Variants in MGST1 observed in about 807,000 individuals in gnomAD.
MGST1 encodes the protein glutathione S-transferase 12.
A neutral mutation model predicts 8.9 loss-of-function variants in MGST1; 5 were observed. That is an observed-to-expected ratio of 0.56 (90% CI 0.29 to 1.19). The LOEUF (loss-of-function observed/expected upper bound fraction) is 1.19, where lower values mean the gene tolerates loss of function less well. Ranked by LOEUF, MGST1 falls within the 50% of genes most tolerant of loss-of-function variation. MGST1 has a pLI of 0.08. For synonymous variants in MGST1, 54 were observed against 67.8 expected (o/e 0.80, Z 1.00); for missense variants, 182 against 187.4 (o/e 0.97, Z 0.17).
At position 16,389,073 on chromosome 12, in the gene MGST1, C is replaced by T. The variant is rs942997302; in HGVS notation, n.778+5469C>T. Among the ~76,000 whole-genome samples the T allele has an allele frequency of 2.6e-5, 4 of 152,216 alleles. 1 individual carries two copies. The highest frequency in any genetic ancestry group is 5.9e-5 in the Non-Finnish European group (4 of 68,036). On this transcript the variant is annotated intron_variant and non_coding_transcript_variant, in intron 1 of 1. Coordinates refer to the MGST1 transcript ENST00000359720. The surrounding 1 kb of genome is among the most constrained non-coding windows in gnomAD (Gnocchi z 4.6). ...TCTTGTAAAGTGCCACTTTGCGTAT[C>T]TGAAGACAAATACAGGTGGCATAGG...
intron 4 of MGST1, among the ~76,000 whole-genome samples, chr12:16,463,571 A>G (rs1351281546): frequency 6.6e-6 from 1 of 150,584 alleles, no homozygotes; most frequent in Non-Finnish European, 1.5e-5. Flanking sequence ...CATCTGGCAC[A>G]TGTACCCGTA....
At chr12:16,493,231 T>G (rs1941450519) in intron 4 of MGST1, among the ~76,000 whole-genome samples, 2 of 152,194 alleles carry the variant, frequency 1.3e-5, no homozygotes, top group South Asian at 4.1e-4. Context: ...TCTACTTTTA[T>G]GCCAGCCAGA....
At chr12:16,507,083 A>G (rs1941542877) in intron 4 of MGST1, among the ~76,000 whole-genome samples, 1 of 152,188 alleles carries the variant, frequency 6.6e-6, no homozygotes, top group Non-Finnish European at 1.5e-5. Flanking sequence ...GGGAGAGTCT[A>G]CACAGCCTGG....
At chr12:16,514,419 G>T in intron 4 of MGST1, 3 of 282,502 alleles carry the variant, frequency 1.1e-5, no homozygotes, top group East Asian at 1.1e-4. Context: ...GAAAGGCAAG[G>T]CCCATCGCAT....
chr12:16,484,864 G>A (rs1941388852), intron 4 of MGST1, among the ~76,000 whole-genome samples: 1 of 152,132 alleles, frequency 6.6e-6, no homozygotes. Flanking sequence ...AAGATATTTT[G>A]CATCTTATAA....
intron 4 of MGST1, among the ~76,000 whole-genome samples, chr12:16,459,775 T>A (rs1378213699): frequency 6.6e-6 from 1 of 152,080 alleles, no homozygotes; most frequent in Non-Finnish European, 1.5e-5. Flanking sequence ...CATCTTTTGC[T>A]CTCATGACCT....
downstream of MGST1, among the ~76,000 whole-genome samples, chr12:16,439,150 C>G (rs1041384874): frequency 6.6e-6 from 1 of 150,442 alleles, no homozygotes; most frequent in Non-Finnish European, 1.5e-5. Context: ...TATCTATATT[C>G]TGCTATGATT....
intron 1 of MGST1, among the ~76,000 whole-genome samples, chr12:16,403,319 T>C (rs972006392): frequency 6.6e-6 from 1 of 152,144 alleles, no homozygotes; most frequent in Non-Finnish European, 1.5e-5. Flanking sequence ...TGCTTTATTG[T>C]TTTTTTAAGT....
At chr12:16,411,076 T>A (rs1940738907) in intron 1 of MGST1, among the ~76,000 whole-genome samples, 1 of 152,216 alleles carries the variant, frequency 6.6e-6, no homozygotes, top group South Asian at 2.1e-4. Flanking sequence ...TTCTCACACC[T>A]CTTTTTCTCA....
chr12:16,352,016 G>T (rs901037233), intron 1 of MGST1, among the ~76,000 whole-genome samples: 1 of 152,182 alleles, frequency 6.6e-6, no homozygotes, highest in African/African-American at 2.4e-5. Context: ...TTAAAGAGTT[G>T]AGAGCAGAAT....
In MGST1 at chr12:16,586,992, A is replaced by AT. The variant is rs1318544829; in HGVS notation, n.483-2534dup. On this transcript the variant is annotated intron_variant and non_coding_transcript_variant, in intron 4 of 4. Transcript: ENST00000538857. The surrounding 1 kb of genome is among the most constrained non-coding windows in gnomAD (Gnocchi z 4.3). ...TCAGTAGCAGTTTATTCATTAGAAC[A>AT]TTCTGTACTCCTCTAAAAATCCAAC... Among the ~76,000 whole-genome samples the AT allele has an allele frequency of 6.6e-6, 1 of 152,194 alleles. No homozygotes were observed. The highest frequency in any genetic ancestry group is 2.4e-5 in the African/African-American group (1 of 41,456).
chr12:16,541,721 T>A (rs1202848390), intron 4 of MGST1, among the ~76,000 whole-genome samples: 2 of 152,076 alleles, frequency 1.3e-5, no homozygotes, highest in East Asian at 3.8e-4. Flanking sequence ...GAGAGCCAGA[T>A]TGGAAGGAGA....
chr12:16,414,073 AT>A (rs1184567829), intron 1 of MGST1, among the ~76,000 whole-genome samples: 1 of 151,398 alleles, frequency 6.6e-6, no homozygotes, highest in Non-Finnish European at 1.5e-5. Context: ...AAAAAAAAAA[AT>A]AATAATAATA....
chr12:16,367,558 A>G (rs7133802), downstream of MGST1: 72,066 of 152,068 alleles, frequency 0.47, 17,707 homozygotes, highest in East Asian at 0.79. Flanking sequence ...TAAAGATCCC[A>G]GAGTCACTCC....
At chr12:16,514,986 A>G (rs1245445218) in intron 4 of MGST1, among the ~76,000 whole-genome samples, 1 of 152,184 alleles carries the variant, frequency 6.6e-6, no homozygotes, top group Non-Finnish European at 1.5e-5. Flanking sequence ...TGCTATTGGA[A>G]TATTTTAGAA....
chr12:16,549,285 G>T (rs1048702314), intron 4 of MGST1: 2 of 152,032 alleles, frequency 1.3e-5, no homozygotes, highest in Non-Finnish European at 2.9e-5. Flanking sequence ...ATTTTTGTGG[G>T]CCCCAAATAG....
At chr12:16,353,097 C>T in intron 1 of MGST1, among the ~76,000 whole-genome samples, 1 of 151,806 alleles carries the variant, frequency 6.6e-6, no homozygotes, top group Admixed American at 6.6e-5. Context: ...GCAGTGGTGC[C>T]ATCTTGGCTC....
At chr12:16,357,581 T>G (rs779743727) in intron 2 of MGST1, 24 bp from the exon 3 acceptor site, 2 of 1,588,680 alleles carry the variant, frequency 1.3e-6, no homozygotes, top group South Asian at 2.2e-5. Context: ...TTGAAATAAG[T>G]TTTTTTTCTT....
At chr12:16,402,119 A>AG in intron 1 of MGST1, 1 of 1,518,334 alleles carries the variant, frequency 6.6e-7, no homozygotes, top group Admixed American at 1.7e-5. Flanking sequence ...GTCTGATGGC[A>AG]GGGGCTCCAT....
Sources: gnomAD v4.1 joint callset for allele counts (sites outside exome capture counted in the v4.1 genomes callset) on GRCh38, gnomAD v4.1.1 for gene constraint, Gnocchi (gnomAD v3.1) non-coding constraint, MANE v1.5 for transcripts, NCBI Gene and HGNC (gene_info 2026-07-23, HGNC 2026-07-21) for gene names.